CDH23: variants seen among roughly 807,000 people sequenced by gnomAD.
CDH23 encodes the protein cadherin-23.
A neutral mutation model predicts 317.1 loss-of-function variants in CDH23; 189 were observed. That is an observed-to-expected ratio of 0.60 (90% CI 0.53 to 0.67). CDH23 has a LOEUF of 0.67. CDH23 is among the 30% of genes least tolerant of loss of function. The pLI, the probability that CDH23 is intolerant of heterozygous loss-of-function variation, is 0.00. For missense variants in CDH23, 4,401 were observed against 4,592.4 expected, an observed-to-expected ratio of 0.96 and a Z score of 1.20; for synonymous variants, 1,839 against 1,876.8, an observed-to-expected ratio of 0.98 and a Z score of 0.52.
At chr10:71,740,702 C>A in intron 36 of CDH23, 120 bp from the exon 37 acceptor site, 1 of 1,408,182 alleles carries the variant, frequency 7.1e-7, no homozygotes, top group Non-Finnish European at 9.6e-7. Flanking sequence ...CAGGGGTTCT[C>A]AGTGAGTCTC....
chr10:71,805,911 G>A lies in CDH23; in HGVS notation c.7978G>A (p.Asp2660Asn). The change falls in exon 56 of 70, where the codon GAC becomes AAC. Residue 2660 changes from aspartate to asparagine, a missense_variant. By Grantham distance (23) the Asp-to-Asn change is conservative. This residue lies in a region of CDH23 where 1,144 missense variants were observed against 1,138.2 expected (regional missense o/e 1.01). Transcript: ENST00000224721. Reference protein sequence around the residue: ...YSFLKTAGNRDWEFFIIDPIS... With the variant: ...YSFLKTAGNRNWEFFIIDPIS... ...CTTCCTGAAGACTGCGGGCAACCGG[G>A]ACTGGGAGTTCTTCATCATCGACCC... 3 of 1,613,718 alleles carry A rather than the reference G, an allele frequency of 1.9e-6. No individual in the cohort carries two copies. The highest frequency in any genetic ancestry group is 1.3e-5 in the African/African-American group (1 of 75,060).
At chr10:71,742,119 T>C in intron 38 of CDH23, 198 bp downstream of exon 38, 1 of 594,938 alleles carries the variant, frequency 1.7e-6, no homozygotes, top group Non-Finnish European at 3.0e-6. Context: ...AAAGCTGGGG[T>C]GCTAGTTTGG....
intron 33 of CDH23, 71 bp downstream of exon 33, chr10:71,734,412 C>A: frequency 6.6e-7 from 1 of 1,507,914 alleles, no homozygotes; most frequent in Non-Finnish European, 9.0e-7. Flanking sequence ...TAACCCATGT[C>A]CTCGCCAGCC....
chr10:71,484,792 TC>T (rs1852254485), intron 3 of CDH23, among the ~76,000 whole-genome samples: 1 of 152,180 alleles, frequency 6.6e-6, no homozygotes, highest in Admixed American at 6.5e-5. Flanking sequence ...TTAAGGATGT[TC>T]CCTTCTATTC....
chr10:71,725,586 A>G, intron 30 of CDH23, 66 bp downstream of exon 30: 2 of 1,544,016 alleles, frequency 1.3e-6, no homozygotes, highest in Admixed American at 1.9e-5. Context: ...TAGAACAGAG[A>G]AGGCCATTAG....
At chr10:71,768,547 C>A (rs1464841275) in intron 38 of CDH23, among the ~76,000 whole-genome samples, 1 of 151,894 alleles carries the variant, frequency 6.6e-6, no homozygotes, top group Non-Finnish European at 1.5e-5. Flanking sequence ...GAGATCATAG[C>A]CCACTGTAAC....
chr10:71,780,261 C>T (rs748513897), intron 41 of CDH23, among the ~76,000 whole-genome samples: 1 of 152,300 alleles, frequency 6.6e-6, no homozygotes, highest in African/African-American at 2.4e-5. Context: ...ATCCCTGCCC[C>T]GTAGAACGTA....
rs1554876990 is a variant in CDH23, at chr10:71,807,320, C to T, written c.8222C>T (p.Ser2741Leu). ...QYQLLTVPEHSPRGTLVGNVT... is the reference protein window; with the variant it reads ...QYQLLTVPEHLPRGTLVGNVT... Reference sequence around the variant, plus strand: ...CAGCTGCTGACAGTGCCTGAGCACTCACCACGCGGCACCCTCGTGGGCAAC... The same window carrying T: ...CAGCTGCTGACAGTGCCTGAGCACTTACCACGCGGCACCCTCGTGGGCAAC... Residue 2741 changes from serine (S) to leucine (L), a missense_variant, in exon 58 of 70, where the codon TCA becomes TTA. Around this residue, in one of 3 missense-constraint regions of CDH23, gnomAD observed 1,144 missense variants for 1,138.2 expected, o/e 1.01. Coordinates refer to ENST00000224721, the MANE Select transcript of CDH23 (RefSeq NM_022124.6). 6.2e-7 allele frequency: 1 copy of T among 1,613,932 alleles called. No individual in the cohort carries two copies. The highest frequency in any genetic ancestry group is 2.2e-5 in the East Asian group (1 of 44,878).
chr10:71,530,664 C>G (rs537288996), intron 6 of CDH23, among the ~76,000 whole-genome samples: 10 of 152,232 alleles, frequency 6.6e-5, no homozygotes, highest in Admixed American at 1.3e-4. Flanking sequence ...TGTCCCCAAC[C>G]AGGGTTGGCA....
intron 3 of CDH23, among the ~76,000 whole-genome samples, chr10:71,473,334 A>G (rs555998171): frequency 6.6e-6 from 1 of 152,376 alleles, no homozygotes; most frequent in East Asian, 1.9e-4. Context: ...TAAAAAGTCA[A>G]TATAAATGCC....
At chr10:71,441,987 A>G (rs1849909720) in intron 2 of CDH23, among the ~76,000 whole-genome samples, 1 of 152,210 alleles carries the variant, frequency 6.6e-6, no homozygotes, top group African/African-American at 2.4e-5. Context: ...AATGGGAACA[A>G]TAATAGGACT....
chr10:71,507,485 A>G (rs1853708743), intron 3 of CDH23, among the ~76,000 whole-genome samples: 2 of 152,200 alleles, frequency 1.3e-5, no homozygotes, highest in African/African-American at 4.8e-5. Flanking sequence ...TGGGGTCAGG[A>G]GTTCAATATC....
intron 6 of CDH23, among the ~76,000 whole-genome samples, chr10:71,548,477 G>T (rs543476383): frequency 1.3e-5 from 2 of 152,232 alleles, no homozygotes; most frequent in African/African-American, 4.8e-5. Context: ...AAGGGATTAG[G>T]GGACAGGAGA....
chr10:71,476,344 A>G (rs1334100374), intron 3 of CDH23, among the ~76,000 whole-genome samples: 1 of 152,178 alleles, frequency 6.6e-6, no homozygotes, highest in African/African-American at 2.4e-5. Flanking sequence ...GTCTGAAAGG[A>G]TCTTCCAGTA....
At chr10:71,506,772 C>T (rs908400155) in intron 3 of CDH23, among the ~76,000 whole-genome samples, 4 of 152,138 alleles carry the variant, frequency 2.6e-5, no homozygotes, top group African/African-American at 4.8e-5. Context: ...AATATTAAAT[C>T]GGCACCTTTA....
intron 7 of CDH23, among the ~76,000 whole-genome samples, chr10:71,570,359 G>A (rs1467864892): frequency 1.3e-5 from 2 of 152,188 alleles, no homozygotes; most frequent in Non-Finnish European, 2.9e-5. Context: ...CAGGAAGTGG[G>A]CACAGAGAGG....
intron 14 of CDH23, among the ~76,000 whole-genome samples, chr10:71,661,728 C>T (rs1863661701): frequency 7.4e-6 from 1 of 134,496 alleles, no homozygotes; most frequent in Non-Finnish European, 1.6e-5. Flanking sequence ...CCTGCGCGCC[C>T]TCCCACCCTG....
At position 71,739,873 on chromosome 10, in the gene CDH23, G is replaced by A. The variant is rs906759452; in HGVS notation, c.4488+101G>A. 5 of 1,334,678 alleles carry A rather than the reference G, an allele frequency of 3.7e-6. No homozygotes were observed. The South Asian group carries it at 4.5e-5, about 12-fold the overall frequency. The allele number at this position is 1,334,678 out of a possible 1,614,324, so 82.7% of individuals were successfully genotyped here. On this transcript the variant is annotated intron_variant, in intron 36 of 69. Coordinates refer to ENST00000224721, the MANE Select transcript of CDH23 (RefSeq NM_022124.6). ...AGAGCCTGTCCATCAGCACACTCTGGTGGTCAGTGCCCCTGCTGTCACCAA... is the reference window on the plus strand; with the variant it reads ...AGAGCCTGTCCATCAGCACACTCTGATGGTCAGTGCCCCTGCTGTCACCAA...
In CDH23 at chr10:71,725,526, G is replaced by C. The variant is rs1589376491; in HGVS notation, c.3579+6G>C. On this transcript the variant is annotated splice_donor_region_variant and intron_variant, in intron 30 of 69. Coordinates refer to ENST00000224721, the MANE Select transcript of CDH23 (RefSeq NM_022124.6). ...CCATGCGGAGCTCCGTCAGGGTGAG[G>C]CTAGGGGCGGGCTGGGGTGCTGACC... is the stretch of plus-strand genomic sequence containing the variant. 6.2e-7 allele frequency: 1 copy of C among 1,611,328 alleles called. No individual in the cohort carries two copies. Among genetic ancestry groups the C allele is most frequent in the Non-Finnish European group, 8.5e-7 (1 of 1,178,626 alleles).
Sources: allele counts gnomAD v4.1 joint callset (sites outside exome capture counted in the v4.1 genomes callset), GRCh38; gene constraint gnomAD v4.1.1; regional missense constraint gnomAD v4.1.1; transcripts MANE v1.5; gene names NCBI Gene and HGNC (gene_info 2026-07-23, HGNC 2026-07-21).